The following ZNF138 variants were observed in gnomAD, a reference collection of about 807,000 sequenced individuals.
The protein encoded by ZNF138 is zinc finger protein 138.
ZNF138 carries 33 observed loss-of-function variants against 33.0 expected under a neutral mutation model. That is an observed-to-expected ratio of 1.00 (90% CI 0.76 to 1.34). The LOEUF is 1.34. ZNF138 is among the 40% of genes most tolerant of loss of function. ZNF138 has a pLI of 0.00. For missense variants in ZNF138, 360 were observed against 370.8 expected, an observed-to-expected ratio of 0.97 and a Z score of 0.24; for synonymous variants, 139 against 120.4, an observed-to-expected ratio of 1.15 and a Z score of -1.01.
the ZNF138 span, among the ~76,000 whole-genome samples, chr7:64,843,082 G>A: frequency 1.3e-5 from 2 of 152,046 alleles, no homozygotes; most frequent in Non-Finnish European, 2.9e-5. Flanking sequence ...AATAATCTTT[G>A]TGCCTGGCTC....
At chr7:64,810,308 G>C (rs1285966106) in intron 1 of ZNF138, among the ~76,000 whole-genome samples, 2 of 148,130 alleles carry the variant, frequency 1.4e-5, no homozygotes, top group South Asian at 2.2e-4. Context: ...CCAGTCAGGC[G>C]TGGTGGCGCG....
chr7:64,851,739 TA>T, the ZNF138 span, among the ~76,000 whole-genome samples: 1 of 152,180 alleles, frequency 6.6e-6, no homozygotes, highest in Non-Finnish European at 1.5e-5. Context: ...TTAATGGTAT[TA>T]CTGTAAATGT....
the ZNF138 span, among the ~76,000 whole-genome samples, chr7:64,850,785 C>T: frequency 1.3e-5 from 2 of 152,238 alleles, no homozygotes; most frequent in Non-Finnish European, 2.9e-5. Context: ...GTCCCCAGCA[C>T]ATAGCAAGTG....
In ZNF138 at chr7:64,831,836, A is replaced by T. The variant is rs201572738; in HGVS notation, c.594A>T (p.Glu198Asp). 7.7e-5 allele frequency: 124 copies of T among 1,613,778 alleles called. No individual in the cohort carries two copies. Among genetic ancestry groups the T allele is most frequent in the Middle Eastern group, 1.7e-4 (1 of 6,046 alleles). Reference protein sequence around the residue: ...IHTRENFYKCEECGKTFNWST... With the variant: ...IHTRENFYKCDECGKTFNWST... ...CTAGAGAGAATTTCTACAAATGTGA[A>T]GAGTGTGGAAAAACCTTTAACTGGT... Residue 198 changes from glutamate to aspartate, a missense_variant, in exon 4 of 4, where the codon GAA becomes GAT. By Grantham distance (45) the Glu-to-Asp change is conservative (BLOSUM62 2). Coordinates refer to ENST00000307355, the MANE Select transcript of ZNF138 (RefSeq NM_001271639.2).
At position 64,831,921 on chromosome 7, in the gene ZNF138, G is replaced by GT. The variant is rs1443832168; in HGVS notation, c.680dup (p.Cys228MetfsTer13). ...TGGAGAAAAACCCTACAAATGTGAA[G>GT]TATGTGGAAAAGCCTTTCACCAATC... On this transcript the variant is annotated frameshift_variant, in exon 4 of 4. Transcript: ENST00000307355. LOFTEE classifies it high-confidence loss of function. 6 of 1,613,696 alleles carry GT rather than the reference G, an allele frequency of 3.7e-6. No homozygotes were observed. Among genetic ancestry groups the GT allele is most frequent in the Admixed American group, 1.7e-5 (1 of 59,982 alleles).
At chr7:64,816,368 AT>A (rs1491098987) in intron 3 of ZNF138, among the ~76,000 whole-genome samples, 1 of 151,696 alleles carries the variant, frequency 6.6e-6, no homozygotes, top group African/African-American at 2.4e-5. Context: ...GTATCATCTC[AT>A]TTTTTTATTG....
rs1430428786 is a variant in ZNF138 at position 64,832,648 on chromosome 7, A to T, written c.*446A>T. ...CACCTTATGAGACATAAGAAAATTC[A>T]TAGTAAAGAGAAACCCTACAAATGT... On this transcript the variant is annotated 3_prime_UTR_variant, in exon 4 of 4. Transcript: ENST00000307355. 1 of 454,622 alleles carries T rather than the reference A, an allele frequency of 2.2e-6. No individual in the cohort carries two copies. The highest frequency in any genetic ancestry group is 2.7e-5 in the Admixed American group (1 of 37,154). 28.2% of individuals were successfully genotyped at this position (454,622 alleles called of 1,614,324 possible).
intron 1 of ZNF138, among the ~76,000 whole-genome samples, chr7:64,802,403 A>G (rs1787205184): frequency 6.6e-6 from 1 of 152,210 alleles, no homozygotes; most frequent in East Asian, 1.9e-4. Flanking sequence ...TCTGGAATGT[A>G]AGGAAGGAAA....
At chr7:64,828,674 T>G (rs1408797005) in intron 3 of ZNF138, among the ~76,000 whole-genome samples, 2 of 152,186 alleles carry the variant, frequency 1.3e-5, no homozygotes, top group East Asian at 3.8e-4. Flanking sequence ...TGTTGCATTC[T>G]ATTTTATTAG....
intron 1 of ZNF138, among the ~76,000 whole-genome samples, chr7:64,804,434 AGTT>A (rs1349360095): frequency 2.0e-5 from 3 of 152,234 alleles, no homozygotes; most frequent in Admixed American, 6.5e-5. Context: ...CGGGGAGCTC[AGTT>A]GTTTGGAGTT....
At chr7:64,834,415 A>C (rs1002408640), downstream of ZNF138, among the ~76,000 whole-genome samples, 2 of 152,252 alleles carry the variant, frequency 1.3e-5, no homozygotes, top group Non-Finnish European at 2.9e-5. Context: ...AAAATAACCC[A>C]AAACTAAAGT....
In ZNF138 at chr7:64,832,001, T is replaced by C. The variant is rs1174403661; in HGVS notation, c.759T>C (p.Cys253=). The change falls in exon 4 of 4, where the codon TGT becomes TGC. Residue 253 remains cysteine (C), a synonymous_variant. Transcript: ENST00000307355. Reference sequence around the variant, plus strand: ...GTACTGGAGAAAAACCCTATAAATGTGCACACTGTGGCAAAGCCTTTAAAC... The same window carrying C: ...GTACTGGAGAAAAACCCTATAAATGCGCACACTGTGGCAAAGCCTTTAAAC... ...IIRTGEKPYK[C]AHCGKAFKQS... The C allele has an allele frequency of 6.2e-7, 1 of 1,613,648 alleles. No individual in the cohort carries two copies. Among genetic ancestry groups the C allele is most frequent in the Non-Finnish European group, 8.5e-7 (1 of 1,179,862 alleles).
chr7:64,815,731 T>C, intron 3 of ZNF138, 78 bp downstream of exon 3: 1 of 1,322,226 alleles, frequency 7.6e-7, no homozygotes, highest in Non-Finnish European at 1.0e-6. Flanking sequence ...TAAATGTGAT[T>C]TGGAAATCTG....
chr7:64,828,637 A>G (rs1314593134), intron 3 of ZNF138, among the ~76,000 whole-genome samples: 1 of 152,182 alleles, frequency 6.6e-6, no homozygotes, highest in Non-Finnish European at 1.5e-5. Context: ...GACTCTTCAT[A>G]TGACTGTATA....
At chr7:64,860,013 T>G in the ZNF138 span, among the ~76,000 whole-genome samples, 4 of 152,150 alleles carry the variant, frequency 2.6e-5, no homozygotes, top group Non-Finnish European at 5.9e-5. Flanking sequence ...GGCACGCACC[T>G]ATGATCCCAG....
the ZNF138 span, among the ~76,000 whole-genome samples, chr7:64,846,590 T>A: frequency 1.3e-5 from 2 of 152,232 alleles, no homozygotes; most frequent in Admixed American, 1.3e-4. Context: ...ATAGCAGAGC[T>A]ACTGATTTGT....
intron 3 of ZNF138, among the ~76,000 whole-genome samples, chr7:64,817,996 ATTTT>A (rs1162172898): frequency 1.1e-5 from 1 of 87,128 alleles, no homozygotes. Flanking sequence ...TATTATTATT[ATTTT>A]TTTTTTTTTT....
chr7:64,799,292 G>T (rs1349496523), intron 1 of ZNF138, among the ~76,000 whole-genome samples: 1 of 151,866 alleles, frequency 6.6e-6, no homozygotes, highest in East Asian at 1.9e-4. Flanking sequence ...GCAGCCTCCT[G>T]AGTAGCTGGG....
At chr7:64,823,529 CAT>C (rs146642498) in intron 3 of ZNF138, among the ~76,000 whole-genome samples, 2,439 of 152,138 alleles carry the variant, frequency 0.016, 62 homozygotes, top group African/African-American at 0.055. Flanking sequence ...AGGGACAAGA[CAT>C]CACTATGTTG....
Sources: allele counts gnomAD v4.1 joint callset (sites outside exome capture counted in the v4.1 genomes callset), GRCh38; gene constraint gnomAD v4.1.1; transcripts MANE v1.5; gene names NCBI Gene and HGNC (gene_info 2026-07-23, HGNC 2026-07-21).